Variants in NT5M observed in about 807,000 individuals in gnomAD.
NT5M encodes the protein 5',3'-nucleotidase, mitochondrial.
In NT5M, 22 loss-of-function variants were observed where a neutral mutation model predicts 22.2. That is an observed-to-expected ratio of 0.99 (90% confidence interval 0.71 to 1.41). The LOEUF (loss-of-function observed/expected upper bound fraction) is 1.41, where lower values mean the gene tolerates loss of function less well. Among genes scored for constraint, NT5M ranks in the 40% most tolerant of loss-of-function variants. NT5M has a pLI of 0.00. For missense variants in NT5M, 322 were observed against 314.8 expected (o/e 1.02, Z -0.17); for synonymous variants, 167 against 133.0 (o/e 1.26, Z -1.76).
In NT5M at chr17:17,346,785, T is replaced by C; in HGVS notation, c.545-20T>C. ...TCCAGGTCTCCACTGCTGAGCTGAA[T>C]GCCGCTTTCCCACCCACAGGGGCCG... is the stretch of plus-strand genomic sequence containing the variant. On this transcript the variant is annotated intron_variant, in intron 4 of 4. Transcript: ENST00000389022. The C allele has an allele frequency of 6.2e-7, 1 of 1,605,434 alleles. No individual in the cohort carries two copies. The highest frequency in any genetic ancestry group is 2.2e-5 in the East Asian group (1 of 44,876).
intron 2 of NT5M, among the ~76,000 whole-genome samples, chr17:17,307,088 C>T (rs74859797): frequency 6.6e-6 from 1 of 151,838 alleles, no homozygotes; most frequent in African/African-American, 2.4e-5. Context: ...ATCCCAGCTA[C>T]TCAGGAGGCT....
intron 3 of NT5M, among the ~76,000 whole-genome samples, chr17:17,326,079 G>C (rs537181518): frequency 6.6e-6 from 1 of 152,326 alleles, no homozygotes; most frequent in Admixed American, 6.5e-5. Flanking sequence ...TAAATGAGTA[G>C]ATTCATTTGT....
At chr17:17,330,747 T>C (rs1171265886) in intron 3 of NT5M, among the ~76,000 whole-genome samples, 2 of 147,778 alleles carry the variant, frequency 1.4e-5, no homozygotes, top group African/African-American at 2.5e-5. Context: ...TCTTTCTTTT[T>C]TTTTTTTTTT....
chr17:17,345,366 T>G, intron 4 of NT5M: 1 of 670,188 alleles, frequency 1.5e-6, no homozygotes, highest in Non-Finnish European at 1.9e-6. Flanking sequence ...CAGTCAACCT[T>G]GAACTGCCGT....
At chr17:17,306,768 A>G in intron 2 of NT5M, 125 bp downstream of exon 2, 4 of 691,536 alleles carry the variant, frequency 5.8e-6, no homozygotes, top group Non-Finnish European at 7.6e-6. Context: ...GCAAGGCTGC[A>G]CTTGCCTCGT....
At chr17:17,319,269 C>T (rs1005777460) in intron 2 of NT5M, among the ~76,000 whole-genome samples, 5 of 151,808 alleles carry the variant, frequency 3.3e-5, no homozygotes, top group South Asian at 2.1e-4. Flanking sequence ...CTAGGCAGCC[C>T]CTGGTTCCCC....
rs890625386 is a variant in NT5M at position 17,331,429 on chromosome 17, A to T, written c.429+8184A>T. ...AAGACCATTGAATTGTACACTTTAA[A>T]TTGGTAAATTTTATGATATGTGAAT... On this transcript the variant is annotated intron_variant, in intron 3 of 4. Transcript: ENST00000389022. Among the ~76,000 whole-genome samples the T allele has an allele frequency of 5.9e-5, 9 of 151,688 alleles. 1 individual carries two copies. The highest frequency in any genetic ancestry group is 2.2e-4 in the African/African-American group (9 of 40,966).
Position 17,303,387 on chromosome 17 carries a change from A to C in NT5M, c.-164A>C. The C allele has an allele frequency of 2.4e-6, 2 of 818,842 alleles. No individual in the cohort carries two copies. The highest frequency in any genetic ancestry group is 3.0e-6 in the Non-Finnish European group (2 of 676,108). 50.7% of individuals were successfully genotyped at this position (818,842 alleles called of 1,614,324 possible). On this transcript the variant is annotated 5_prime_UTR_variant, in exon 1 of 5. Transcript: ENST00000389022. ...GCCGCGGCCTCGCTCTGGGGCCGGT[A>C]CTTGCGCGCCCGCACCCCGCGCTCC... is the stretch of plus-strand genomic sequence containing the variant.
chr17:17,318,900 G>A (rs1282580391), intron 2 of NT5M, among the ~76,000 whole-genome samples: 1 of 150,990 alleles, frequency 6.6e-6, no homozygotes, highest in Non-Finnish European at 1.5e-5. Context: ...GCCACGTATT[G>A]TAGGATTCTA....
At chr17:17,332,796 CAG>C (rs1228361210) in intron 3 of NT5M, among the ~76,000 whole-genome samples, 2 of 152,164 alleles carry the variant, frequency 1.3e-5, no homozygotes, top group African/African-American at 4.8e-5. Context: ...CATGGTCACT[CAG>C]AGCCCATAGT....
At chr17:17,306,913 A>G (rs1432433014) in intron 2 of NT5M, among the ~76,000 whole-genome samples, 3 of 152,136 alleles carry the variant, frequency 2.0e-5, no homozygotes, top group African/African-American at 7.2e-5. Flanking sequence ...TCATTTATTC[A>G]ATGCCCGGAC....
chr17:17,306,972 C>T (rs148047314), intron 2 of NT5M, among the ~76,000 whole-genome samples: 3,073 of 149,534 alleles, frequency 0.021, 99 homozygotes, highest in African/African-American at 0.071. Context: ...CTGAGGCGGG[C>T]GGATCACGTG....
chr17:17,346,189 A>G (rs1379052251), intron 4 of NT5M, among the ~76,000 whole-genome samples: 1 of 144,660 alleles, frequency 6.9e-6, no homozygotes, highest in Non-Finnish European at 1.5e-5. Context: ...CAGGGCAGAC[A>G]GTGGTCTGTG....
chr17:17,306,400 C>G (rs2048801685), intron 1 of NT5M, 143 bp from the exon 2 acceptor site: 3 of 688,120 alleles, frequency 4.4e-6, no homozygotes, highest in Non-Finnish European at 7.8e-6. Flanking sequence ...GCACTACCCC[C>G]AGGAAGTACG....
chr17:17,303,880 C>G, intron 1 of NT5M, 63 bp downstream of exon 1: 1 of 1,316,272 alleles, frequency 7.6e-7, no homozygotes, highest in Non-Finnish European at 9.7e-7. Context: ...AGACACCGCC[C>G]CTGCGCCGGT....
Position 17,346,804 on chromosome 17 carries a change from G to A in NT5M, c.545-1G>A. The A allele has an allele frequency of 1.9e-6, 3 of 1,606,966 alleles. No homozygotes were observed. Among genetic ancestry groups the A allele is most frequent in the Non-Finnish European group, 2.5e-6 (3 of 1,179,926 alleles). ...GCTGAATGCCGCTTTCCCACCCACAGGGGCCGAGCCAACCCCCAGCTGGGA... is the reference window on the plus strand; with the variant it reads ...GCTGAATGCCGCTTTCCCACCCACAAGGGCCGAGCCAACCCCCAGCTGGGA... On this transcript the variant is annotated splice_acceptor_variant, in intron 4 of 4. Coordinates refer to ENST00000389022, the MANE Select transcript of NT5M (RefSeq NM_020201.4). LOFTEE classifies it high-confidence loss of function.
At chr17:17,309,276 C>T (rs886680165) in intron 2 of NT5M, among the ~76,000 whole-genome samples, 5 of 152,028 alleles carry the variant, frequency 3.3e-5, no homozygotes, top group African/African-American at 7.2e-5. Context: ...CAGATGCACA[C>T]TACTACACCC....
intron 2 of NT5M, among the ~76,000 whole-genome samples, chr17:17,308,351 T>G (rs2048852759): frequency 6.6e-6 from 1 of 152,044 alleles, no homozygotes; most frequent in South Asian, 2.1e-4. Flanking sequence ...CCCAGCACTT[T>G]GGGAGGTCGA....
intron 3 of NT5M, among the ~76,000 whole-genome samples, chr17:17,333,326 GAC>G (rs1470121819): frequency 2.6e-5 from 4 of 151,900 alleles, no homozygotes; most frequent in Non-Finnish European, 5.9e-5. Context: ...TTTTTTGAGA[GAC>G]AGAGTTTTGC....
Sources: gnomAD v4.1 joint callset for allele counts (sites outside exome capture counted in the v4.1 genomes callset) on GRCh38, gnomAD v4.1.1 for gene constraint, MANE v1.5 for transcripts, NCBI Gene and HGNC (gene_info 2026-07-23, HGNC 2026-07-21) for gene names.